The following RASSF5 variants were observed in gnomAD, a reference collection of about 807,000 sequenced individuals.
The protein encoded by RASSF5 is Ras association domain family member 5, also known as ras association domain-containing protein 5.
Under a neutral mutation model 40.5 loss-of-function variants are expected in RASSF5, and 25 were observed. That is an observed-to-expected ratio of 0.62 (90% CI 0.45 to 0.86). The LOEUF (loss-of-function observed/expected upper bound fraction) is 0.86. Among genes scored for constraint, RASSF5 ranks in the 40% least tolerant of loss-of-function variants. The probability of loss-of-function intolerance (pLI) is 0.00; values close to 1 mark genes in which losing one functional copy is unlikely to be tolerated. For synonymous variants in RASSF5, 246 were observed against 252.4 expected (o/e 0.97, Z 0.24); for missense variants, 521 against 572.8 (o/e 0.91, Z 0.92).
rs997196599 is a variant in RASSF5, at chr1:206,531,833, C to T, written c.458-6339C>T. Among the ~76,000 whole-genome samples, 6 of 151,482 alleles carry T rather than the reference C, an allele frequency of 4.0e-5. No individual in the cohort carries two copies. Among genetic ancestry groups the T allele is most frequent in the African/African-American group, 1.5e-4 (6 of 41,168 alleles). On this transcript the variant is annotated intron_variant, in intron 1 of 5. Coordinates refer to ENST00000579436, the MANE Select transcript of RASSF5 (RefSeq NM_182663.4). The surrounding 1 kb of genome is among the most constrained non-coding windows in gnomAD (Gnocchi z 4.7). The stretch of plus-strand genomic sequence containing the variant: ...CAGGCGGATCACGAGGTCAGGAGAT[C>T]GAGAGCATCCTGGCTAACATAGTGA...
chr1:206,532,067 A>AT (rs1329512893), intron 1 of RASSF5, among the ~76,000 whole-genome samples: 2 of 151,420 alleles, frequency 1.3e-5, no homozygotes, highest in Admixed American at 1.3e-4. Flanking sequence ...AGAAAAAAAA[A>AT]ATCTTTGGTA....
At chr1:206,522,661 C>T (rs2103508327) in intron 1 of RASSF5, among the ~76,000 whole-genome samples, 1 of 152,266 alleles carries the variant, frequency 6.6e-6, no homozygotes, top group Admixed American at 6.5e-5. Flanking sequence ...TGCAGACTTT[C>T]CCACCTCTTT....
chr1:206,520,142 G>C (rs1666867890), intron 1 of RASSF5, among the ~76,000 whole-genome samples: 1 of 152,218 alleles, frequency 6.6e-6, no homozygotes, highest in Admixed American at 6.5e-5. Context: ...CTGTGGCTAT[G>C]ATGGGCTTGC....
chr1:206,561,335 G>A (rs563148171), intron 2 of RASSF5, among the ~76,000 whole-genome samples: 14 of 152,292 alleles, frequency 9.2e-5, no homozygotes, highest in Admixed American at 8.5e-4. Flanking sequence ...AGGATAGACC[G>A]TAGGTCTTGT....
At chr1:206,558,849 T>G (rs1377385290) in intron 2 of RASSF5, among the ~76,000 whole-genome samples, 1 of 151,978 alleles carries the variant, frequency 6.6e-6, no homozygotes, top group East Asian at 1.9e-4. Flanking sequence ...TTCCAGAGGG[T>G]GAGGGGCAAA....
At position 206,533,728 on chromosome 1, in the gene RASSF5, C is replaced by G. The variant is rs73079042; in HGVS notation, c.458-4444C>G. ...TATGGTCATGCCACTGTACTCCAACCTGGGTGAGAGAGTGAGACCCTGTCT... is the reference window on the plus strand; with the variant it reads ...TATGGTCATGCCACTGTACTCCAACGTGGGTGAGAGAGTGAGACCCTGTCT... On this transcript the variant is annotated intron_variant, in intron 1 of 5. Transcript: ENST00000579436. Among the ~76,000 whole-genome samples the G allele has an allele frequency of 8.7e-3, 1,326 of 152,018 alleles. 24 individuals are homozygous for G. The highest frequency in any genetic ancestry group is 0.03 in the African/African-American group (1,254 of 41,418).
chr1:206,538,220 A>T lies in RASSF5; in HGVS notation c.506A>T (p.Asp169Val), dbSNP rs1553398921. ...GAATGCCGCAGCCTGATCCAGTTGG[A>T]CTGCAGTCAGCAGGAGGGTTTATCC... is the stretch of plus-strand genomic sequence containing the variant. ...HPECRSLIQL[D>V]CSQQEGLSRD... The change falls in exon 2 of 6, where the codon GAC (aspartate) becomes GTC (valine). Residue 169 changes from aspartate to valine, a missense_variant. Physicochemically the swap from Asp to Val is radical, Grantham distance 152 (BLOSUM62 -3). This residue lies in a region of RASSF5 where 284 missense variants were observed against 360.8 expected (regional missense o/e 0.79). Coordinates refer to ENST00000579436, the MANE Select transcript of RASSF5 (RefSeq NM_182663.4). 1 of 1,614,148 alleles carries T rather than the reference A, an allele frequency of 6.2e-7. No individual in the cohort carries two copies. Among genetic ancestry groups the T allele is most frequent in the Non-Finnish European group, 8.5e-7 (1 of 1,180,006 alleles).
At chr1:206,577,531 T>C (rs1272591982) in intron 2 of RASSF5, among the ~76,000 whole-genome samples, 1 of 152,224 alleles carries the variant, frequency 6.6e-6, no homozygotes, top group Non-Finnish European at 1.5e-5. Context: ...GCTTAGAGAT[T>C]ATCTGACTTT....
intron 2 of RASSF5, chr1:206,557,430 T>C: frequency 7.0e-7 from 1 of 1,420,320 alleles, no homozygotes; most frequent in Non-Finnish European, 9.2e-7. Flanking sequence ...CCTGGTCCGC[T>C]ACCCGACCAG....
chr1:206,509,053 T>G (rs1470793399), intron 1 of RASSF5, among the ~76,000 whole-genome samples: 4 of 151,596 alleles, frequency 2.6e-5, no homozygotes, highest in Non-Finnish European at 4.4e-5. Flanking sequence ...TGTGTTTACA[T>G]GGATATTTCA....
chr1:206,510,125 G>A (rs1255655280), intron 1 of RASSF5, among the ~76,000 whole-genome samples: 2 of 152,208 alleles, frequency 1.3e-5, no homozygotes, highest in Non-Finnish European at 2.9e-5. Context: ...ATGTGCAGAT[G>A]AGGGCTGGCA....
At chr1:206,508,705 A>G (rs72752997) in intron 1 of RASSF5, among the ~76,000 whole-genome samples, 41,524 of 151,792 alleles carry the variant, frequency 0.27, 6,966 homozygotes, top group Middle Eastern at 0.45. Context: ...CTCTGCTCCA[A>G]TGTTTGGCTG....
At chr1:206,568,924 C>G (rs1553403782) in intron 2 of RASSF5, among the ~76,000 whole-genome samples, 1 of 152,220 alleles carries the variant, frequency 6.6e-6, no homozygotes, top group Non-Finnish European at 1.5e-5. Flanking sequence ...TCTGGAGCAC[C>G]AAGAGTGTGC....
chr1:206,582,232 G>A (rs1414232777), intron 2 of RASSF5, among the ~76,000 whole-genome samples: 1 of 152,176 alleles, frequency 6.6e-6, no homozygotes, highest in Non-Finnish European at 1.5e-5. Flanking sequence ...CCCCTGTATT[G>A]TCTCTACAAG....
intron 2 of RASSF5, among the ~76,000 whole-genome samples, chr1:206,553,133 T>C (rs1301841699): frequency 6.6e-6 from 1 of 151,184 alleles, no homozygotes; most frequent in Non-Finnish European, 1.5e-5. Flanking sequence ...ACCTGGGAGG[T>C]GGAGCTTGCA....
At position 206,574,853 on chromosome 1, in the gene RASSF5, CTTTTTT is replaced by C. The variant is rs71570015; in HGVS notation, c.580-8397_580-8392del. On this transcript the variant is annotated intron_variant, in intron 2 of 5. Coordinates refer to ENST00000579436, the MANE Select transcript of RASSF5 (RefSeq NM_182663.4). ...GAGACCATCACAAAGGGACCAATGA[CTTTTTT>C]TTTTTTTTTTTTTTTTTTGAGATGG... 8.1e-5 allele frequency among the ~76,000 whole-genome samples: 7 copies of C among 86,070 alleles called. 1 individual carries two copies. The highest frequency in any genetic ancestry group is 1.8e-4 in the African/African-American group (4 of 21,880). 56.5% of individuals were successfully genotyped at this position (86,070 alleles called of 152,430 possible).
chr1:206,556,027 T>C (rs1005169647), intron 2 of RASSF5, among the ~76,000 whole-genome samples: 7 of 152,204 alleles, frequency 4.6e-5, no homozygotes, highest in Non-Finnish European at 8.8e-5. Context: ...GAGAGAGACC[T>C]GATAACCCCT....
chr1:206,526,902 C>T (rs1186614337), intron 1 of RASSF5, among the ~76,000 whole-genome samples: 1 of 152,170 alleles, frequency 6.6e-6, no homozygotes. Flanking sequence ...TATTGAGCAC[C>T]TACCATATGC....
At chr1:206,548,920 C>A (rs1667766809) in intron 2 of RASSF5, among the ~76,000 whole-genome samples, 1 of 152,174 alleles carries the variant, frequency 6.6e-6, no homozygotes, top group South Asian at 2.1e-4. Context: ...GGCTGGAGTG[C>A]AATGGCGCGT....
Sources: gnomAD v4.1 joint callset for allele counts (sites outside exome capture counted in the v4.1 genomes callset) on GRCh38, gnomAD v4.1.1 for gene constraint, gnomAD v4.1.1 regional missense constraint, Gnocchi (gnomAD v3.1) non-coding constraint, MANE v1.5 for transcripts, NCBI Gene and HGNC (gene_info 2026-07-23, HGNC 2026-07-21) for gene names.